The following ADGRV1 variants were observed in gnomAD, a reference collection of about 807,000 sequenced individuals.
ADGRV1 encodes adhesion G protein-coupled receptor V1.
ADGRV1 carries 359 observed loss-of-function variants against 596.2 expected under a neutral mutation model. That is an observed-to-expected ratio of 0.60 (90% CI 0.55 to 0.66). The LOEUF is 0.66. Among genes scored for constraint, ADGRV1 ranks in the 30% least tolerant of loss-of-function variants. The pLI is 0.00. For synonymous variants in ADGRV1, 2,681 were observed against 2,679.2 expected, an observed-to-expected ratio of 1.00 and a Z score of -0.02; for missense variants, 7,274 against 7,575.6, an observed-to-expected ratio of 0.96 and a Z score of 1.48.
Position 90,663,099 on chromosome 5 carries a change from T to G in ADGRV1, c.4752+4821T>G, listed in dbSNP as rs373964978. ...GTGTGCATGTGTCTTTATAGCTGCA[T>G]GATTTACAGTCCTTTGGGTATATAC... On this transcript the variant is annotated intron_variant, in intron 21 of 89. Transcript: ENST00000405460. Among the ~76,000 whole-genome samples the G allele has an allele frequency of 6.5e-4, 98 of 150,752 alleles. 1 individual carries two copies. In the East Asian group the frequency reaches 0.014, roughly 22 times the overall value.
At chr5:90,793,102 T>G (rs569715963) in intron 70 of ADGRV1, 2 of 152,358 alleles carry the variant, frequency 1.3e-5, no homozygotes, top group African/African-American at 2.4e-5. Flanking sequence ...GAAGACCTGT[T>G]GTAGTTCCTT....
intron 83 of ADGRV1, among the ~76,000 whole-genome samples, chr5:90,872,194 C>A (rs3098356): frequency 0.59 from 89,488 of 151,972 alleles, 26,847 homozygotes; most frequent in East Asian, 0.83. Context: ...TGTGCCTTTC[C>A]TTGTACTATA....
chr5:90,998,928 C>T (rs140530122), intron 85 of ADGRV1, among the ~76,000 whole-genome samples: 110 of 152,214 alleles, frequency 7.2e-4, no homozygotes, highest in African/African-American at 2.4e-3. Flanking sequence ...AGACACTCTA[C>T]TAAGTGCATA....
chr5:90,925,200 G>C (rs1774305481), intron 83 of ADGRV1, among the ~76,000 whole-genome samples: 2 of 151,994 alleles, frequency 1.3e-5, no homozygotes, highest in Non-Finnish European at 2.9e-5. Context: ...GGATGGCATT[G>C]AATCTGTAAG....
At chr5:90,620,147 CTAGTTCTAGATCTCTGAGGAATCG>C in intron 4 of ADGRV1, among the ~76,000 whole-genome samples, 1 of 152,242 alleles carries the variant, frequency 6.6e-6, no homozygotes, top group East Asian at 1.9e-4. Context: ...AATGATATTT[CTAGTTCTAGATCTCTGAGGAATCG>C]CCACACTGAC....
At position 90,578,757 on chromosome 5, in the gene ADGRV1, G is replaced by A. The variant is rs145940271; in HGVS notation, c.22+19840G>A. Among the ~76,000 whole-genome samples the A allele has an allele frequency of 8.5e-3, 1,294 of 152,224 alleles. 10 individuals carry two copies. The highest frequency in any genetic ancestry group is 0.022 in the African/African-American group (925 of 41,542). On this transcript the variant is annotated intron_variant, in intron 1 of 89. Transcript: ENST00000405460. ...CGTCTGGTCGTGGACTTTTTTGGTT[G>A]GTAGGCTATTAATTATTGCCATAAT...
At chr5:90,855,709 G>C (rs764767675) in intron 81 of ADGRV1, 32 bp from the exon 82 acceptor site, 2 of 1,497,806 alleles carry the variant, frequency 1.3e-6, no homozygotes, top group African/African-American at 2.8e-5. Flanking sequence ...ATTGATGAAA[G>C]AGGAAAAATG....
At chr5:90,821,061 C>T (rs1386637302) in intron 75 of ADGRV1, among the ~76,000 whole-genome samples, 7 of 152,226 alleles carry the variant, frequency 4.6e-5, no homozygotes, top group East Asian at 1.9e-4. Flanking sequence ...ACCAATCAGA[C>T]GTAGATTTGG....
At chr5:90,777,847 T>C in intron 61 of ADGRV1, 58 bp from the exon 62 acceptor site, 1 of 1,443,300 alleles carries the variant, frequency 6.9e-7, no homozygotes, top group East Asian at 2.3e-5. Context: ...AGAGAAAATG[T>C]TTAAGAAAAG....
At chr5:91,120,177 A>C (rs774689785) in intron 87 of ADGRV1, among the ~76,000 whole-genome samples, 6 of 152,180 alleles carry the variant, frequency 3.9e-5, no homozygotes, top group Non-Finnish European at 8.8e-5. Context: ...GTCAAGTGGG[A>C]CTGTGTCTTG....
At chr5:90,614,250 T>C in intron 1 of ADGRV1, 1 of 383,112 alleles carries the variant, frequency 2.6e-6, no homozygotes, top group South Asian at 2.0e-5. Context: ...AGACGTGGTC[T>C]TAGTATTTTA....
intron 87 of ADGRV1, among the ~76,000 whole-genome samples, chr5:91,143,954 T>C (rs1013187537): frequency 3.9e-5 from 6 of 152,204 alleles, no homozygotes; most frequent in Non-Finnish European, 7.3e-5. Flanking sequence ...AGTGCTTCCC[T>C]GAGTGTGTGC....
chr5:91,086,751 T>C (rs560203320), intron 86 of ADGRV1, among the ~76,000 whole-genome samples: 39 of 152,336 alleles, frequency 2.6e-4, no homozygotes, highest in Non-Finnish European at 4.7e-4. Flanking sequence ...CCTTCATTAC[T>C]GAGACCACAG....
chr5:90,658,151 T>C lies in ADGRV1; in HGVS notation c.4625T>C (p.Ile1542Thr), dbSNP rs890174548. The stretch of plus-strand genomic sequence containing the variant: ...GACGAGGAAGGAGAAGAATTATTCA[T>C]TCTTAAACTAGTTTCTGTATATGGA... ...DNDEEGEELF[I>T]LKLVSVYGGA... The change falls in exon 21 of 90, where the codon ATT becomes ACT. Residue 1542 changes from isoleucine (I) to threonine (T), a missense_variant. This residue lies in a region of ADGRV1 where 3,643 missense variants were observed against 3,809.2 expected (regional missense o/e 0.96). Transcript: ENST00000405460. The C allele has an allele frequency of 1.9e-6, 3 of 1,612,920 alleles. No individual in the cohort carries two copies. Among genetic ancestry groups the C allele is most frequent in the Non-Finnish European group, 1.7e-6 (2 of 1,179,046 alleles).
chr5:90,955,217 GTCTC>G (rs1777366188), intron 83 of ADGRV1, among the ~76,000 whole-genome samples: 1 of 152,060 alleles, frequency 6.6e-6, no homozygotes, highest in South Asian at 2.1e-4. Flanking sequence ...AAGCTACCCA[GTCTC>G]TGTAATAACA....
chr5:90,918,856 G>T (rs1295709756), intron 83 of ADGRV1, among the ~76,000 whole-genome samples: 1 of 152,086 alleles, frequency 6.6e-6, no homozygotes, highest in East Asian at 1.9e-4. Context: ...AGCCATAGGG[G>T]TCTTTCTCAA....
intron 85 of ADGRV1, among the ~76,000 whole-genome samples, chr5:91,051,775 CT>C (rs942890140): frequency 6.6e-6 from 1 of 151,958 alleles, no homozygotes; most frequent in Non-Finnish European, 1.5e-5. Flanking sequence ...TCTTGATCTA[CT>C]TAGGATATTT....
chr5:90,652,233 G>C (rs1446302316), intron 18 of ADGRV1, 113 bp from the exon 19 acceptor site: 7 of 659,764 alleles, frequency 1.1e-5, no homozygotes, highest in Non-Finnish European at 1.7e-5. Flanking sequence ...AGAACCAGCT[G>C]GTTTGTTTCT....
chr5:90,646,842 C>T (rs371143571), intron 16 of ADGRV1, among the ~76,000 whole-genome samples: 9 of 148,746 alleles, frequency 6.1e-5, no homozygotes, highest in East Asian at 5.9e-4. Context: ...GGCGTGATCT[C>T]GGCTCACTGC....
Sources: allele counts gnomAD v4.1 joint callset (sites outside exome capture counted in the v4.1 genomes callset), GRCh38; gene constraint gnomAD v4.1.1; regional missense constraint gnomAD v4.1.1; transcripts MANE v1.5; gene names NCBI Gene and HGNC (gene_info 2026-07-23, HGNC 2026-07-21).